APAF1: variants seen among roughly 807,000 people sequenced by gnomAD.
APAF1 encodes the protein apoptotic peptidase activating factor 1, also known as apoptotic protease-activating factor 1.
In APAF1, 91 loss-of-function variants were observed where a neutral mutation model predicts 152.4. The observed-to-expected ratio is 0.60, with a 90% CI of 0.50 to 0.71. The LOEUF (loss-of-function observed/expected upper bound fraction) is 0.71. Among genes scored for constraint, APAF1 ranks in the 30% least tolerant of loss-of-function variants. The pLI, the probability that APAF1 is intolerant of heterozygous loss-of-function variation, is 0.00. For missense variants in APAF1, 1,283 were observed against 1,472.0 expected (o/e 0.87, Z 2.10); for synonymous variants, 484 against 494.1 (o/e 0.98, Z 0.27).
At chr12:98,654,510 C>T (rs1163061239) in intron 4 of APAF1, among the ~76,000 whole-genome samples, 2 of 152,110 alleles carry the variant, frequency 1.3e-5, no homozygotes, top group African/African-American at 2.4e-5. Context: ...TGCCTCTTGA[C>T]AGTCCCCCTG....
In APAF1 at chr12:98,658,835, AG is replaced by A. The variant is rs577380501; in HGVS notation, c.527-324del. Among the ~76,000 whole-genome samples, 142 of 152,346 alleles carry A rather than the reference AG, an allele frequency of 9.3e-4. 2 individuals carry two copies. Among genetic ancestry groups the A allele is most frequent in the African/African-American group, 3.0e-3 (126 of 41,576 alleles). On this transcript the variant is annotated intron_variant, in intron 4 of 26. Transcript: ENST00000551964. ...ACAACAAAGAATTGCCATCCCAAAA[AG>A]TCAGAAGTACAAGGTTTAGAAACTG...
Position 98,734,610 on chromosome 12 carries a change from C to T in APAF1, c.*2044C>T, listed in dbSNP as rs1178295597. On this transcript the variant is annotated 3_prime_UTR_variant, in exon 27 of 27. Coordinates refer to ENST00000551964, the MANE Select transcript of APAF1 (RefSeq NM_181861.2). ...ATCACTCAGATGTATTTTAGATAAG[C>T]TATTTAGCCTTTGATGGAATCATAA... The T allele has an allele frequency of 6.6e-6, 1 of 152,572 alleles. No homozygotes were observed. The highest frequency in any genetic ancestry group is 1.5e-5 in the Non-Finnish European group (1 of 68,040). 9.5% of individuals were successfully genotyped at this position (152,572 alleles called of 1,614,324 possible).
rs906363434 is a variant in APAF1 at position 98,733,004 on chromosome 12, C to G, written c.*438C>G. ...ACTTACCCCAAGGGGGTTTTGTTCT[C>G]CTAAATACAATCTTAGAGGTTTTTT... On this transcript the variant is annotated 3_prime_UTR_variant, in exon 27 of 27. Transcript: ENST00000551964. 5.7e-6 allele frequency: 1 copy of G among 176,718 alleles called. No individual in the cohort carries two copies. The highest frequency in any genetic ancestry group is 5.9e-5 in the Admixed American group (1 of 16,940). The allele number at this position is 176,718 out of a possible 1,614,324, so 10.9% of individuals were successfully genotyped here.
chr12:98,720,135 A>G (rs2097740431), intron 22 of APAF1, among the ~76,000 whole-genome samples: 1 of 152,228 alleles, frequency 6.6e-6, no homozygotes, highest in Admixed American at 6.5e-5. Context: ...ATTGTATACT[A>G]TGTATTCTAT....
rs1491347587 is a variant in APAF1, at chr12:98,715,235, C to CTTAT, written c.2959-192_2959-191insTTAT. 7.3e-5 allele frequency among the ~76,000 whole-genome samples: 4 copies of CTTAT among 54,774 alleles called. No individual in the cohort carries two copies. In the East Asian group the frequency reaches 1.7e-3, roughly 24 times the overall value. The allele number at this position is 54,774 out of a possible 152,430, so 35.9% of individuals were successfully genotyped here. Reference sequence around the variant, plus strand: ...TTTGCATGTAGGCATACATGGTGTGCATATATATATATATATATATATATA... The same window carrying CTTAT: ...TTTGCATGTAGGCATACATGGTGTGCTTATATATATATATATATATATATATATA... On this transcript the variant is annotated intron_variant, in intron 21 of 26. Transcript: ENST00000551964.
chr12:98,665,278 A>ATATATATAT (rs1491316422), intron 7 of APAF1, among the ~76,000 whole-genome samples: 884 of 65,906 alleles, frequency 0.013, 19 homozygotes, highest in African/African-American at 0.046. Context: ...ATATATATAT[A>ATATATATAT]TTTTTTTTTT....
chr12:98,716,723 G>A (rs1277802642), intron 22 of APAF1, among the ~76,000 whole-genome samples: 1 of 152,090 alleles, frequency 6.6e-6, no homozygotes, highest in Non-Finnish European at 1.5e-5. Flanking sequence ...CATGGAAGTT[G>A]AATTATTTCT....
chr12:98,714,581 T>G (rs540484953), intron 21 of APAF1, among the ~76,000 whole-genome samples: 359 of 152,338 alleles, frequency 2.4e-3, no homozygotes, highest in African/African-American at 7.9e-3. Flanking sequence ...GCTCAACTGT[T>G]ATGCTATCCT....
chr12:98,730,597 A>G (rs534448310), intron 26 of APAF1, among the ~76,000 whole-genome samples: 1 of 152,346 alleles, frequency 6.6e-6, no homozygotes, highest in South Asian at 2.1e-4. Context: ...TAGTTTGTAT[A>G]TTTAAATGAC....
chr12:98,712,462 T>TTC, intron 21 of APAF1, 27 bp downstream of exon 21: 1 of 1,209,438 alleles, frequency 8.3e-7, no homozygotes, highest in Admixed American at 1.7e-5. Context: ...TTCAGAATCT[T>TTC]TCTGTACAGA....
intron 16 of APAF1, 114 bp downstream of exon 16, chr12:98,686,987 C>A: frequency 1.9e-6 from 2 of 1,075,388 alleles, no homozygotes; most frequent in Non-Finnish European, 2.8e-6. Context: ...CTGCTTCTTT[C>A]AATTTCCAGG....
intron 7 of APAF1, among the ~76,000 whole-genome samples, chr12:98,665,278 A>ATATATATATATATATATATATTTTT (rs1491316422): frequency 1.5e-5 from 1 of 66,012 alleles, no homozygotes; most frequent in Non-Finnish European, 2.9e-5. Context: ...ATATATATAT[A>ATATATATATATATATATATATTTTT]TTTTTTTTTT....
chr12:98,653,033 T>A lies in APAF1; in HGVS notation c.526+3349T>A, dbSNP rs1593018833. Among the ~76,000 whole-genome samples, 5 of 152,316 alleles carry A rather than the reference T, an allele frequency of 3.3e-5. No homozygotes were observed. The South Asian group carries it at 6.2e-4, about 19-fold the overall frequency. ...ATGTAGTCAAACTAATCAGTTTTTT[T>A]TTTTGTCTTCTAACTTGTGTTTCCT... is the stretch of plus-strand genomic sequence containing the variant. On this transcript the variant is annotated intron_variant, in intron 4 of 26. Transcript: ENST00000551964.
rs970209734 is a variant in APAF1 at position 98,716,132 on chromosome 12, C to T, written c.3084+580C>T. Among the ~76,000 whole-genome samples, 35 of 152,296 alleles carry T rather than the reference C, an allele frequency of 2.3e-4. 2 individuals carry two copies. Among genetic ancestry groups the T allele is most frequent in the Admixed American group, 2.2e-3 (33 of 15,294 alleles). ...GACCCTTTCCCCCATTTCTCGTTCTCCAGAGGCACCACTTTTAGCTTTTAG... is the reference window on the plus strand; with the variant it reads ...GACCCTTTCCCCCATTTCTCGTTCTTCAGAGGCACCACTTTTAGCTTTTAG... On this transcript the variant is annotated intron_variant, in intron 22 of 26. Coordinates refer to ENST00000551964, the MANE Select transcript of APAF1 (RefSeq NM_181861.2).
intron 21 of APAF1, among the ~76,000 whole-genome samples, chr12:98,713,373 G>A (rs2097730319): frequency 6.6e-6 from 1 of 152,114 alleles, no homozygotes; most frequent in Non-Finnish European, 1.5e-5. Flanking sequence ...TAGAAGCCCA[G>A]CCATGTGGGG....
chr12:98,715,712 T>A (rs1467523482), intron 22 of APAF1, among the ~76,000 whole-genome samples, 160 bp downstream of exon 22: 1 of 152,210 alleles, frequency 6.6e-6, no homozygotes, highest in Non-Finnish European at 1.5e-5. Context: ...TGTTTCATAT[T>A]TTTCTGTGGG....
chr12:98,695,362 C>CCGCT (rs532047525), intron 16 of APAF1, among the ~76,000 whole-genome samples: 3 of 141,858 alleles, frequency 2.1e-5, no homozygotes, highest in African/African-American at 7.6e-5. Context: ...CGCCCCCCCC[C>CCGCT]TTTTTTTTTT....
At chr12:98,666,136 C>T in intron 8 of APAF1, 54 bp from the exon 9 acceptor site, 1 of 1,524,446 alleles carries the variant, frequency 6.6e-7, no homozygotes, top group Non-Finnish European at 9.1e-7. Flanking sequence ...TACCTGTCTA[C>T]AGTCCTGGTC....
intron 4 of APAF1, among the ~76,000 whole-genome samples, chr12:98,651,666 G>GT (rs925936381): frequency 9.2e-5 from 10 of 109,106 alleles, no homozygotes; most frequent in African/African-American, 2.3e-4. Flanking sequence ...ATTTATTTTT[G>GT]TTTTTTTTTA....
Sources: allele counts gnomAD v4.1 joint callset (sites outside exome capture counted in the v4.1 genomes callset), GRCh38; gene constraint gnomAD v4.1.1; transcripts MANE v1.5; gene names NCBI Gene and HGNC (gene_info 2026-07-23, HGNC 2026-07-21).